WSCD2: variants seen among roughly 807,000 people sequenced by gnomAD.
WSCD2 encodes the protein WSC domain sialate O sulfotransferase 2.
In WSCD2, 28 loss-of-function variants were observed where a neutral mutation model predicts 55.7. That is an observed-to-expected ratio of 0.50 (90% CI 0.37 to 0.69). The LOEUF is 0.69. WSCD2 is among the 30% of genes least tolerant of loss of function. WSCD2 has a pLI of 0.00. For synonymous variants in WSCD2, 301 were observed against 301.9 expected (o/e 1.00, Z 0.03); for missense variants, 616 against 762.1 (o/e 0.81, Z 2.26).
Position 108,210,401 on chromosome 12 carries a change from G to T in WSCD2, c.682+96G>T. 1 of 1,446,838 alleles carries T rather than the reference G, an allele frequency of 6.9e-7. No homozygotes were observed. The highest frequency in any genetic ancestry group is 2.2e-5 in the Admixed American group (1 of 45,416). The allele number at this position is 1,446,838 out of a possible 1,614,324, so 89.6% of individuals were successfully genotyped here. A position where few individuals can be genotyped will look rare whatever the true frequency, so the allele number is the denominator to read the frequency against. On this transcript the variant is annotated intron_variant, in intron 4 of 8. Transcript: ENST00000547525. The surrounding 1 kb of genome is among the most constrained non-coding windows in gnomAD (Gnocchi z 4.3). ...CACATGTCTGCCCTGTACCCTCCAT[G>T]GCTCCCCATCACTCCAAGGCCACCA...
Position 108,248,259 on chromosome 12 carries a change from C to T in WSCD2, c.1614C>T (p.Thr538=). 6.2e-7 allele frequency: 1 copy of T among 1,614,206 alleles called. No homozygotes were observed. The highest frequency in any genetic ancestry group is 8.5e-7 in the Non-Finnish European group (1 of 1,180,042). Residue 538 remains threonine, a synonymous_variant, in exon 9 of 9, where the codon ACC becomes ACT. Coordinates refer to ENST00000547525, the MANE Select transcript of WSCD2 (RefSeq NM_014653.4). The surrounding 1 kb of genome is among the most constrained non-coding windows in gnomAD (Gnocchi z 4.3). ...YDPYTADMQK[T]ISAYIKMVDA... ...CCTATACTGCGGACATGCAGAAGAC[C>T]ATCTCTGCCTACATCAAGATGGTGG...
intron 1 of WSCD2, among the ~76,000 whole-genome samples, chr12:108,131,187 G>A (rs1246168499): frequency 1.3e-5 from 2 of 152,188 alleles, no homozygotes; most frequent in Non-Finnish European, 2.9e-5. Flanking sequence ...AAAGCCCTGG[G>A]TCTGGGTCAG....
At chr12:108,190,672 A>AGG (rs1330409575) in intron 1 of WSCD2, among the ~76,000 whole-genome samples, 1 of 152,204 alleles carries the variant, frequency 6.6e-6, no homozygotes, top group Non-Finnish European at 1.5e-5. Context: ...TGCTAAAAAT[A>AGG]GTCTGTGTTT....
chr12:108,247,782 C>A (rs1890189172), intron 8 of WSCD2, among the ~76,000 whole-genome samples: 1 of 152,208 alleles, frequency 6.6e-6, no homozygotes, highest in Non-Finnish European at 1.5e-5. Context: ...GTCTTTAACT[C>A]CTGGCCTCAA....
chr12:108,173,696 A>T (rs1447593970), intron 1 of WSCD2, among the ~76,000 whole-genome samples: 1 of 151,964 alleles, frequency 6.6e-6, no homozygotes, highest in Admixed American at 6.6e-5. Flanking sequence ...AAGGGGCCTG[A>T]GTGTGTTTCC....
At chr12:108,191,019 C>T (rs931573260) in intron 1 of WSCD2, among the ~76,000 whole-genome samples, 1 of 152,166 alleles carries the variant, frequency 6.6e-6, no homozygotes, top group Non-Finnish European at 1.5e-5. Context: ...GGACCTCACA[C>T]CTGTAAGTGA....
chr12:108,158,576 G>A (rs1878757299), intron 1 of WSCD2, among the ~76,000 whole-genome samples: 1 of 152,122 alleles, frequency 6.6e-6, no homozygotes, highest in African/African-American at 2.4e-5. Context: ...GTGATCTCAG[G>A]TAAGTTGCTT....
rs573271167 is a variant in WSCD2 at position 108,232,963 on chromosome 12, T to A, written c.1144+68T>A. The A allele has an allele frequency of 1.2e-3, 1,898 of 1,571,466 alleles. 2 individuals carry two copies. Among genetic ancestry groups the A allele is most frequent in the Non-Finnish European group, 1.5e-3 (1,781 of 1,155,174 alleles). On this transcript the variant is annotated intron_variant, in intron 7 of 8. Coordinates refer to ENST00000547525, the MANE Select transcript of WSCD2 (RefSeq NM_014653.4). Reference sequence around the variant, plus strand: ...CTTGGGAAGGTCCCCACTTGGAGGGTATGGGAATACTCCTCCTTGAGTATC... The same window carrying A: ...CTTGGGAAGGTCCCCACTTGGAGGGAATGGGAATACTCCTCCTTGAGTATC...
At chr12:108,143,346 C>G (rs1877050782) in intron 1 of WSCD2, among the ~76,000 whole-genome samples, 1 of 151,974 alleles carries the variant, frequency 6.6e-6, no homozygotes, top group African/African-American at 2.4e-5. Flanking sequence ...GTCATGTGAT[C>G]AACCATGACA....
chr12:108,162,227 C>G (rs1450738816), intron 1 of WSCD2, among the ~76,000 whole-genome samples: 2 of 152,220 alleles, frequency 1.3e-5, no homozygotes, highest in African/African-American at 4.8e-5. Flanking sequence ...CCACGTTGTT[C>G]TCATTTCCTC....
intron 7 of WSCD2, among the ~76,000 whole-genome samples, chr12:108,236,110 T>C (rs1845067544): frequency 2.0e-5 from 3 of 152,258 alleles, no homozygotes; most frequent in Non-Finnish European, 4.4e-5. Flanking sequence ...CTATCATCTG[T>C]ACAATGAGCT....
chr12:108,166,552 A>G (rs915973485), intron 1 of WSCD2, among the ~76,000 whole-genome samples: 2 of 152,168 alleles, frequency 1.3e-5, no homozygotes, highest in African/African-American at 4.8e-5. Flanking sequence ...ATTGGCTCGC[A>G]GGCACAGATA....
In WSCD2 at chr12:108,240,471, C is replaced by T. The variant is rs372334494; in HGVS notation, c.1272C>T (p.Ala424=). The T allele has an allele frequency of 6.2e-7, 1 of 1,614,020 alleles. No homozygotes were observed. Among genetic ancestry groups the T allele is most frequent in the Admixed American group, 1.7e-5 (1 of 60,030 alleles). The part of the protein sequence containing the change: ...AILLIRNPYK[A]LMAEFNRKYG... ...TGCTCATCCGCAACCCCTACAAAGCCCTCATGGCTGAGTTCAACCGCAAGT... is the reference window on the plus strand; with the variant it reads ...TGCTCATCCGCAACCCCTACAAAGCTCTCATGGCTGAGTTCAACCGCAAGT... The change falls in exon 8 of 9, where the codon GCC becomes GCT. Residue 424 remains alanine (A), a synonymous_variant. Coordinates refer to ENST00000547525, the MANE Select transcript of WSCD2 (RefSeq NM_014653.4).
intron 1 of WSCD2, among the ~76,000 whole-genome samples, chr12:108,173,462 G>A (rs1250009241): frequency 6.6e-6 from 1 of 152,106 alleles, no homozygotes; most frequent in Non-Finnish European, 1.5e-5. Flanking sequence ...AGCTTCTATG[G>A]CTGATGGCCA....
chr12:108,148,132 G>C (rs1877590581), intron 1 of WSCD2, among the ~76,000 whole-genome samples: 1 of 152,190 alleles, frequency 6.6e-6, no homozygotes, highest in Non-Finnish European at 1.5e-5. Context: ...GTCATTCTTT[G>C]TGTGGCGTGG....
intron 1 of WSCD2, among the ~76,000 whole-genome samples, chr12:108,151,454 C>T (rs2136914479): frequency 6.6e-6 from 1 of 152,282 alleles, no homozygotes; most frequent in Middle Eastern, 3.4e-3. Flanking sequence ...TGACCTCCTC[C>T]CCAGGGGTGG....
intron 2 of WSCD2, chr12:108,196,452 A>C: frequency 5.7e-6 from 3 of 530,532 alleles, no homozygotes; most frequent in Non-Finnish European, 9.6e-6. Context: ...TTGGATTTGA[A>C]CTCCACATCT....
chr12:108,157,155 T>C (rs1479057110), intron 1 of WSCD2, among the ~76,000 whole-genome samples: 1 of 152,232 alleles, frequency 6.6e-6, no homozygotes, highest in Non-Finnish European at 1.5e-5. Context: ...TTTTAGTTTG[T>C]CTTAATAGAC....
At chr12:108,167,630 C>T (rs1334632562) in intron 1 of WSCD2, 6 of 152,236 alleles carry the variant, frequency 3.9e-5, no homozygotes, top group Non-Finnish European at 8.8e-5. Flanking sequence ...CTTAGTTTCT[C>T]TGCATCTCTA....
Sources: gnomAD v4.1 joint callset for allele counts (sites outside exome capture counted in the v4.1 genomes callset) on GRCh38, gnomAD v4.1.1 for gene constraint, Gnocchi (gnomAD v3.1) non-coding constraint, MANE v1.5 for transcripts, NCBI Gene and HGNC (gene_info 2026-07-23, HGNC 2026-07-21) for gene names.